The following NCAM1 variants were observed in gnomAD, a reference collection of about 807,000 sequenced individuals.
NCAM1 encodes the protein antigen recognized by monoclonal antibody 5.1H11.
NCAM1 carries 14 observed loss-of-function variants against 109.8 expected under a neutral mutation model. That is an observed-to-expected ratio of 0.13 (90% CI 0.08 to 0.20). The LOEUF (loss-of-function observed/expected upper bound fraction) is 0.20. NCAM1 is among the 10% of genes least tolerant of loss of function. The pLI is 1.00. For missense variants in NCAM1, 774 were observed against 1,109.9 expected (o/e 0.70, Z 4.30); for synonymous variants, 418 against 442.9 (o/e 0.94, Z 0.70).
chr11:113,165,411 T>G (rs1171037292), intron 1 of NCAM1, among the ~76,000 whole-genome samples: 1 of 152,166 alleles, frequency 6.6e-6, no homozygotes, highest in Non-Finnish European at 1.5e-5. Context: ...TTAGTCTGTT[T>G]TGATTCAGCC....
chr11:113,028,729 G>T (rs1223321768), intron 1 of NCAM1, among the ~76,000 whole-genome samples: 1 of 152,092 alleles, frequency 6.6e-6, no homozygotes, highest in Non-Finnish European at 1.5e-5. Flanking sequence ...AGTTATCTGG[G>T]TAATTACATC....
At chr11:113,169,054 GTGTGTGTGTGTGTGTGTC>G (rs1380786785) in intron 1 of NCAM1, among the ~76,000 whole-genome samples, 24 of 108,980 alleles carry the variant, frequency 2.2e-4, no homozygotes, top group Non-Finnish European at 4.5e-4. Flanking sequence ...GTGTGTGTGT[GTGTGTGTGTGTGTGTGTC>G]TGTGTGTGTG....
intron 1 of NCAM1, among the ~76,000 whole-genome samples, chr11:113,188,008 T>C (rs1555109178): frequency 2.0e-5 from 3 of 152,228 alleles, no homozygotes; most frequent in African/African-American, 7.2e-5. Flanking sequence ...CAGGAGTATG[T>C]ATTCATATAG....
chr11:113,217,991 A>T (rs1759536023), intron 8 of NCAM1, among the ~76,000 whole-genome samples: 1 of 152,210 alleles, frequency 6.6e-6, no homozygotes, highest in Non-Finnish European at 1.5e-5. Flanking sequence ...CTTTCTAACC[A>T]GTCAGGACTG....
Position 113,165,499 on chromosome 11 carries a change from G to A in NCAM1, c.53-36880G>A, listed in dbSNP as rs560662290. ...CACTTCTCAGACTAAGTCAGGGCCT[G>A]TAGTTCATTTTAAAAGCAGGTTCAA... is the stretch of plus-strand genomic sequence containing the variant. On this transcript the variant is annotated intron_variant, in intron 1 of 19. Transcript: ENST00000316851. Among the ~76,000 whole-genome samples, 6 of 152,250 alleles carry A rather than the reference G, an allele frequency of 3.9e-5. No homozygotes were observed. The South Asian group carries it at 8.3e-4, about 21-fold the overall frequency.
intron 14 of NCAM1, among the ~76,000 whole-genome samples, chr11:113,236,036 G>A (rs943141160): frequency 1.3e-5 from 2 of 152,176 alleles, no homozygotes; most frequent in Admixed American, 6.5e-5. Context: ...GCACCTGGGA[G>A]AATCCTTTGC....
At chr11:113,079,112 T>G (rs1555086685) in intron 1 of NCAM1, among the ~76,000 whole-genome samples, 1 of 152,224 alleles carries the variant, frequency 6.6e-6, no homozygotes, top group Non-Finnish European at 1.5e-5. Context: ...GCCTTGGACC[T>G]CAGCCACCTT....
intron 1 of NCAM1, among the ~76,000 whole-genome samples, chr11:113,025,501 G>A (rs1324935438): frequency 6.6e-6 from 1 of 152,026 alleles, no homozygotes; most frequent in Non-Finnish European, 1.5e-5. Flanking sequence ...ACGTAAAAGA[G>A]TGAATGAATG....
chr11:113,269,931 G>A (rs531817954), intron 17 of NCAM1: 55 of 544,786 alleles, frequency 1.0e-4, no homozygotes, highest in African/African-American at 1.7e-4. Context: ...CAGGACTCAC[G>A]GGAGGCCAGC....
In NCAM1 at chr11:112,963,008, C is replaced by A. The variant is rs1950613096; in HGVS notation, c.52+1344C>A. Among the ~76,000 whole-genome samples the A allele has an allele frequency of 6.6e-6, 1 of 152,054 alleles. No individual in the cohort carries two copies. Among genetic ancestry groups the A allele is most frequent in the Admixed American group, 6.5e-5 (1 of 15,280 alleles). On this transcript the variant is annotated intron_variant, in intron 1 of 19. Coordinates refer to ENST00000316851, the MANE Select transcript of NCAM1 (RefSeq NM_181351.5). The surrounding 1 kb of genome is among the most constrained non-coding windows in gnomAD (Gnocchi z 4.6). ...GCGCACGGGGCGGGCCAGGGAGCAC[C>A]CAGTGCGCCCCCTCCGCGGGCGGCA...
At chr11:113,250,446 C>T (rs1280625085) in intron 15 of NCAM1, among the ~76,000 whole-genome samples, 5 of 152,176 alleles carry the variant, frequency 3.3e-5, no homozygotes, top group African/African-American at 1.2e-4. Context: ...ACATTTCTAA[C>T]CTCTGGATGT....
chr11:113,210,035 C>G (rs1944342679), intron 7 of NCAM1, among the ~76,000 whole-genome samples: 1 of 152,080 alleles, frequency 6.6e-6, no homozygotes, highest in Non-Finnish European at 1.5e-5. Context: ...CAGATAGATC[C>G]CCAGCACCCA....
chr11:113,202,823 G>C (rs1021699965), intron 2 of NCAM1, among the ~76,000 whole-genome samples: 4 of 152,140 alleles, frequency 2.6e-5, no homozygotes, highest in African/African-American at 9.7e-5. Context: ...ACAATACTTC[G>C]GTGGATCTGT....
intron 8 of NCAM1, among the ~76,000 whole-genome samples, chr11:113,219,698 C>T (rs782334936): frequency 1.3e-5 from 2 of 152,128 alleles, no homozygotes; most frequent in African/African-American, 4.8e-5. Flanking sequence ...GCCACAGAAC[C>T]ATAGTGATTT....
chr11:113,121,791 A>T (rs1460739682), intron 1 of NCAM1, among the ~76,000 whole-genome samples: 1 of 152,138 alleles, frequency 6.6e-6, no homozygotes, highest in East Asian at 1.9e-4. Context: ...CTATCCAGAG[A>T]TTTTTGAGTT....
intron 1 of NCAM1, among the ~76,000 whole-genome samples, chr11:113,077,370 T>C (rs926712708): frequency 6.6e-6 from 1 of 152,208 alleles, no homozygotes; most frequent in Non-Finnish European, 1.5e-5. Context: ...GTTCTTTCTA[T>C]AGGGCTTGGG....
intron 1 of NCAM1, among the ~76,000 whole-genome samples, chr11:113,054,733 A>G (rs1257484730): frequency 6.6e-6 from 1 of 152,142 alleles, no homozygotes; most frequent in African/African-American, 2.4e-5. Flanking sequence ...ATGGAAAGTC[A>G]GAAGTCATTT....
chr11:113,232,189 C>A lies in NCAM1; in HGVS notation c.1260C>A (p.Gly420=). The A allele has an allele frequency of 6.2e-7, 1 of 1,606,292 alleles. No homozygotes were observed. Among genetic ancestry groups the A allele is most frequent in the South Asian group, 1.1e-5 (1 of 89,424 alleles). The change falls in exon 11 of 20, where the codon GGC becomes GGA. Residue 420 remains glycine, a synonymous_variant. Transcript: ENST00000316851. ...LEVQYAPKLQ[G]PVAVYTWEGN... is the part of the protein sequence containing the mutation. ...TTGCAGATGCCCCAAAGCTACAGGG[C>A]CCTGTGGCTGTGTACACTTGGGAGG...
intron 1 of NCAM1, among the ~76,000 whole-genome samples, chr11:113,194,530 AGG>A (rs1437672687): frequency 3.9e-5 from 6 of 152,198 alleles, no homozygotes; most frequent in African/African-American, 1.4e-4. Flanking sequence ...AAAGAGCCCA[AGG>A]GTCTCCTTCA....
Sources: allele counts gnomAD v4.1 joint callset (sites outside exome capture counted in the v4.1 genomes callset), GRCh38; gene constraint gnomAD v4.1.1; non-coding constraint Gnocchi (gnomAD v3.1); transcripts MANE v1.5; gene names NCBI Gene and HGNC (gene_info 2026-07-23, HGNC 2026-07-21).